SNTG1: variants seen among roughly 807,000 people sequenced by gnomAD.
SNTG1 encodes the protein syntrophin gamma 1.
In SNTG1, 39 loss-of-function variants were observed where a neutral mutation model predicts 74.7. The observed-to-expected ratio is 0.52, with a 90% CI of 0.40 to 0.68. The LOEUF is 0.68. SNTG1 is among the 30% of genes least tolerant of loss of function. The pLI is 0.00. For missense variants in SNTG1, 685 were observed against 609.5 expected (o/e 1.12, Z -1.30); for synonymous variants, 254 against 217.1 (o/e 1.17, Z -1.49).
At chr8:49,955,629 A>G (rs1810087632) in intron 1 of SNTG1, among the ~76,000 whole-genome samples, 1 of 152,232 alleles carries the variant, frequency 6.6e-6, no homozygotes, top group South Asian at 2.1e-4. Flanking sequence ...CTTGCTGCTT[A>G]CAAATGTTGT....
chr8:50,777,456 T>C (rs2095644240), intron 18 of SNTG1, among the ~76,000 whole-genome samples: 1 of 150,624 alleles, frequency 6.6e-6, no homozygotes, highest in African/African-American at 2.4e-5. Context: ...AAATTATTAT[T>C]GTATTCTTTT....
intron 12 of SNTG1, among the ~76,000 whole-genome samples, chr8:50,583,394 C>CAAAAAAAAAAAAAAAAAAAA (rs58794829): frequency 1.2e-5 from 1 of 82,426 alleles, no homozygotes; most frequent in Non-Finnish European, 2.3e-5. Context: ...GAGTGAGACT[C>CAAAAAAAAAAAAAAAAAAAA]AAAAAAAAAA....
At chr8:50,321,871 T>G (rs889853192) in intron 2 of SNTG1, among the ~76,000 whole-genome samples, 17 of 152,144 alleles carry the variant, frequency 1.1e-4, no homozygotes, top group African/African-American at 4.1e-4. Flanking sequence ...TCTATTTACA[T>G]CTTATTTTAC....
At chr8:50,758,297 A>G (rs962548665) in intron 18 of SNTG1, among the ~76,000 whole-genome samples, 1 of 151,786 alleles carries the variant, frequency 6.6e-6, no homozygotes, top group African/African-American at 2.4e-5. Flanking sequence ...TTTTCCGTGT[A>G]TTATGATTTG....
In SNTG1 at chr8:50,075,666, C is replaced by T. The variant is rs536636967; in HGVS notation, c.-102-96895C>T. ...AGCTTTGTTCTTTCAGTAAATCTTG[C>T]TGCTGCTCACTCTTTGGGTCCGTAC... is the stretch of plus-strand genomic sequence containing the variant. On this transcript the variant is annotated intron_variant, in intron 1 of 18. Transcript: ENST00000642720. Among the ~76,000 whole-genome samples, 3 of 152,260 alleles carry T rather than the reference C, an allele frequency of 2.0e-5. No individual in the cohort carries two copies. In the East Asian group the frequency reaches 5.8e-4, roughly 30 times the overall value.
chr8:50,499,422 CTTT>C (rs1209490748), intron 8 of SNTG1, among the ~76,000 whole-genome samples: 1 of 135,322 alleles, frequency 7.4e-6, no homozygotes, highest in African/African-American at 2.7e-5. Flanking sequence ...GTTCCAGGAG[CTTT>C]TTTTTTTTTT....
chr8:50,323,048 G>A (rs184901991), intron 2 of SNTG1, among the ~76,000 whole-genome samples: 5 of 150,786 alleles, frequency 3.3e-5, no homozygotes, highest in East Asian at 2.0e-4. Flanking sequence ...CCTGGGAAAC[G>A]GAGGTTGCAA....
intron 13 of SNTG1, among the ~76,000 whole-genome samples, chr8:50,624,393 A>G (rs2094943600): frequency 6.6e-6 from 1 of 151,994 alleles, no homozygotes; most frequent in East Asian, 1.9e-4. Flanking sequence ...GCTCTAAAGG[A>G]GAGTTTTATC....
chr8:49,992,539 A>T (rs898245046), intron 1 of SNTG1, among the ~76,000 whole-genome samples: 2 of 152,208 alleles, frequency 1.3e-5, no homozygotes, highest in African/African-American at 4.8e-5. Context: ...GGTGGGTATA[A>T]GCCTTAAGTG....
chr8:50,533,070 T>C (rs2094281590), intron 10 of SNTG1, among the ~76,000 whole-genome samples: 1 of 152,226 alleles, frequency 6.6e-6, no homozygotes, highest in South Asian at 2.1e-4. Context: ...CTTCTAAAGA[T>C]GCGCGACATC....
intron 13 of SNTG1, among the ~76,000 whole-genome samples, chr8:50,650,788 C>T (rs138403762): frequency 0.019 from 2,897 of 152,226 alleles, 37 homozygotes; most frequent in Non-Finnish European, 0.029. Context: ...GCAACCTCCA[C>T]CTTCTGGGTT....
At chr8:50,550,917 G>T (rs920708902) in intron 11 of SNTG1, among the ~76,000 whole-genome samples, 1 of 152,022 alleles carries the variant, frequency 6.6e-6, no homozygotes, top group Non-Finnish European at 1.5e-5. Context: ...TGCTTGATGA[G>T]ACAATAATTC....
chr8:50,208,022 T>C (rs180838020), intron 2 of SNTG1, among the ~76,000 whole-genome samples: 184 of 152,306 alleles, frequency 1.2e-3, no homozygotes, highest in East Asian at 5.8e-4. Context: ...AAATATGGTG[T>C]TGAGAAGAAT....
intron 17 of SNTG1, among the ~76,000 whole-genome samples, chr8:50,723,352 T>C (rs1412941838): frequency 1.3e-5 from 2 of 152,196 alleles, no homozygotes; most frequent in African/African-American, 4.8e-5. Context: ...ATTAAGACTA[T>C]TACTAATGGC....
rs71550218 is a variant in SNTG1 at position 50,221,512 on chromosome 8, TACACACACACAC to T, written c.-28+48905_-28+48916del. 3.1e-3 allele frequency among the ~76,000 whole-genome samples: 401 copies of T among 130,206 alleles called. 2 individuals carry two copies. The highest frequency in any genetic ancestry group is 0.01 in the African/African-American group (372 of 36,918). 85.4% of individuals were successfully genotyped at this position (130,206 alleles called of 152,430 possible). A position where few individuals can be genotyped will look rare whatever the true frequency, so the allele number is the denominator to read the frequency against. ...TCTGCTACCCCTCCCAACACACACA[TACACACACACAC>T]ACACACACACACACACACACACACA... On this transcript the variant is annotated intron_variant, in intron 2 of 18. Transcript: ENST00000642720.
chr8:50,086,671 A>G (rs376900525), intron 1 of SNTG1, among the ~76,000 whole-genome samples: 1 of 152,114 alleles, frequency 6.6e-6, no homozygotes, highest in Non-Finnish European at 1.5e-5. Flanking sequence ...GAGAATGGCA[A>G]TTTTGGGAAT....
intron 2 of SNTG1, among the ~76,000 whole-genome samples, chr8:50,177,718 C>G (rs2083052082): frequency 6.6e-6 from 1 of 152,176 alleles, no homozygotes; most frequent in African/African-American, 2.4e-5. Context: ...ACGCTTTGAC[C>G]TCTTTAACAC....
At chr8:50,200,599 G>A (rs2083948091) in intron 2 of SNTG1, among the ~76,000 whole-genome samples, 1 of 152,090 alleles carries the variant, frequency 6.6e-6, no homozygotes, top group Admixed American at 6.6e-5. Flanking sequence ...TCTACACCAG[G>A]GATGCCCTTC....
chr8:50,042,929 A>G (rs1025062932), intron 1 of SNTG1, among the ~76,000 whole-genome samples: 1 of 152,230 alleles, frequency 6.6e-6, no homozygotes, highest in African/African-American at 2.4e-5. Context: ...TTAGCAATTA[A>G]AGCAATGTAA....
Sources: allele counts gnomAD v4.1 joint callset (sites outside exome capture counted in the v4.1 genomes callset), GRCh38; gene constraint gnomAD v4.1.1; transcripts MANE v1.5; gene names NCBI Gene and HGNC (gene_info 2026-07-23, HGNC 2026-07-21).